Variants in PPFIA4 observed in about 807,000 individuals in gnomAD.
PPFIA4 encodes the protein liprin-alpha-4.
Under a neutral mutation model 145.7 loss-of-function variants are expected in PPFIA4, and 98 were observed. The observed-to-expected ratio is 0.67, with a 90% confidence interval of 0.57 to 0.80. The LOEUF (loss-of-function observed/expected upper bound fraction) is 0.80, where lower values mean the gene tolerates loss of function less well. Ranked by LOEUF, PPFIA4 falls within the 30% of genes least tolerant of loss-of-function variation. The pLI, the probability that PPFIA4 is intolerant of heterozygous loss-of-function variation, is 0.00. For synonymous variants in PPFIA4, 628 were observed against 649.6 expected (o/e 0.97, Z 0.51); for missense variants, 1,457 against 1,632.7 (o/e 0.89, Z 1.85).
Position 203,055,370 on chromosome 1 carries a change from C to T in PPFIA4, c.1830-62C>T. The T allele has an allele frequency of 2.5e-6, 4 of 1,605,612 alleles. No individual in the cohort carries two copies. The highest frequency in any genetic ancestry group is 3.4e-6 in the Non-Finnish European group (4 of 1,173,560). On this transcript the variant is annotated intron_variant, in intron 15 of 29. Coordinates refer to ENST00000295706, the MANE Select transcript of PPFIA4 (RefSeq NM_001304331.2). This position sits in a 1 kb window ranked among gnomAD's most constrained non-coding sequence, Gnocchi z 4.8. ...GGTGGCGAGTGCAGGCATCGACCCG[C>T]ACTGCCTCCTGCTGGTCCTGGCTGG...
In PPFIA4 at chr1:203,060,109, T is replaced by G; in HGVS notation, c.2584-108T>G. Reference sequence around the variant, plus strand: ...CCGCCACATTCCTATGATCTGTATTTGCTATTCGAGTCCGTGGATGAGGCC... The same window carrying G: ...CCGCCACATTCCTATGATCTGTATTGGCTATTCGAGTCCGTGGATGAGGCC... On this transcript the variant is annotated intron_variant, in intron 21 of 29. Transcript: ENST00000295706. The surrounding 1 kb of genome is among the most constrained non-coding windows in gnomAD (Gnocchi z 4.8). 1 of 1,045,330 alleles carries G rather than the reference T, an allele frequency of 9.6e-7. No individual in the cohort carries two copies. Among genetic ancestry groups the G allele is most frequent in the Non-Finnish European group, 1.4e-6 (1 of 704,324 alleles). The allele number at this position is 1,045,330 out of a possible 1,614,324, so 64.8% of individuals were successfully genotyped here. A position where few individuals can be genotyped will look rare whatever the true frequency, so the allele number is the denominator to read the frequency against.
In PPFIA4 at chr1:203,039,203, G is replaced by A. The variant is rs1013065297; in HGVS notation, c.195G>A (p.Arg65=). The change falls in exon 2 of 30, where the codon CGG becomes CGA. Residue 65 remains arginine, a synonymous_variant. Coordinates refer to ENST00000295706, the MANE Select transcript of PPFIA4 (RefSeq NM_001304331.2). ...QSRLQDAIHE[R]DQLQRHLNSA... ...GGCTCCAGGATGCCATACACGAGCG[G>A]GACCAGCTCCAGCGCCACCTTAACT... 6.2e-7 allele frequency: 1 copy of A among 1,604,946 alleles called. No homozygotes were observed. Among genetic ancestry groups the A allele is most frequent in the East Asian group, 2.2e-5 (1 of 44,568 alleles).
chr1:203,051,128 G>T (rs1045621497), intron 13 of PPFIA4: 48 of 985,220 alleles, frequency 4.9e-5, no homozygotes, highest in Non-Finnish European at 5.7e-5. Flanking sequence ...TATTCCAGGG[G>T]ATTGTTGCTT....
In PPFIA4 at chr1:203,046,263, C is replaced by T. The variant is rs748947692; in HGVS notation, c.1021C>T (p.Arg341Ter). The part of the protein sequence containing the change: ...SLHRQCEEKA[R>*]HLQELLEVAE... Reference sequence around the variant, plus strand: ...ACATTGCTAGTGTGAGGAGAAGGCCCGACACCTGCAGGAGCTGCTGGAGGT... The same window carrying T: ...ACATTGCTAGTGTGAGGAGAAGGCCTGACACCTGCAGGAGCTGCTGGAGGT... Residue 341 changes from arginine to a stop codon, truncating the protein, a stop_gained, in exon 9 of 30, where the codon CGA becomes TGA. Coordinates refer to ENST00000295706, the MANE Select transcript of PPFIA4 (RefSeq NM_001304331.2). LOFTEE classifies it high-confidence loss of function. 14 of 1,593,920 alleles carry T rather than the reference C, an allele frequency of 8.8e-6. No homozygotes were observed. Among genetic ancestry groups the T allele is most frequent in the African/African-American group, 2.7e-5 (2 of 74,616 alleles).
At chr1:203,070,585 CAA>C (rs571325182) in intron 27 of PPFIA4, among the ~76,000 whole-genome samples, 1,752 of 77,496 alleles carry the variant, frequency 0.023, 23 homozygotes, top group African/African-American at 0.078. Flanking sequence ...CTGTCTCCCT[CAA>C]AAAAAAAAAA....
At chr1:203,063,792 TC>T in intron 24 of PPFIA4, 35 bp from the exon 25 acceptor site, 1 of 1,611,290 alleles carries the variant, frequency 6.2e-7, no homozygotes, top group Non-Finnish European at 8.5e-7. Context: ...TCTACCTTCC[TC>T]CCCCATAATA....
chr1:203,064,985 A>G (rs941098506), intron 25 of PPFIA4, among the ~76,000 whole-genome samples: 1 of 152,230 alleles, frequency 6.6e-6, no homozygotes, highest in South Asian at 2.1e-4. Flanking sequence ...TGACTGGATA[A>G]TAAGACCAGG....
Position 203,060,269 on chromosome 1 carries a change from A to G in PPFIA4, c.2636A>G (p.Lys879Arg). The stretch of plus-strand genomic sequence containing the variant: ...GTGGCAGCCTGCCGGGCCAACGTCA[A>G]GAGTGGTGCCATCATGTCCGCTCTG... ...WYVAACRANV[K>R]SGAIMSALSD... is the part of the protein sequence containing the mutation. The change falls in exon 22 of 30, where the codon AAG becomes AGG. Residue 879 changes from lysine (K) to arginine (R), a missense_variant. Transcript: ENST00000295706. The surrounding 1 kb of genome is among the most constrained non-coding windows in gnomAD (Gnocchi z 4.8). The G allele has an allele frequency of 1.2e-6, 2 of 1,614,128 alleles. No individual in the cohort carries two copies. The highest frequency in any genetic ancestry group is 1.7e-6 in the Non-Finnish European group (2 of 1,179,988).
Position 203,055,968 on chromosome 1 carries a change from CT to C in PPFIA4, c.2071-138del, listed in dbSNP as rs199570318. On this transcript the variant is annotated intron_variant, in intron 16 of 29. Coordinates refer to ENST00000295706, the MANE Select transcript of PPFIA4 (RefSeq NM_001304331.2). The surrounding 1 kb of genome is among the most constrained non-coding windows in gnomAD (Gnocchi z 4.8). ...GCCCTGGCTTGTTTTTCTAGGCCAG[CT>C]TTTTTTTTTTTTTCTGGCGTGATAT... 1.3e-3 allele frequency among the ~76,000 whole-genome samples: 193 copies of C among 145,872 alleles called. 3 individuals carry two copies. The highest frequency in any genetic ancestry group is 9.2e-3 in the East Asian group (46 of 5,026).
chr1:203,026,940 G>A (rs1571641355), intron 1 of PPFIA4, among the ~76,000 whole-genome samples: 1 of 152,354 alleles, frequency 6.6e-6, no homozygotes, highest in Non-Finnish European at 1.5e-5. Flanking sequence ...TGGGAACGGA[G>A]CAGACTGCGC....
At chr1:203,045,620 G>A (rs765801658) in intron 7 of PPFIA4, 61 bp downstream of exon 7, 20 of 1,488,288 alleles carry the variant, frequency 1.3e-5, no homozygotes, top group Non-Finnish European at 1.8e-5. Context: ...GGGAGAGCCA[G>A]GCAAAGGCTC....
chr1:203,059,735 A>C, intron 20 of PPFIA4, 35 bp from the exon 21 acceptor site: 3 of 1,571,878 alleles, frequency 1.9e-6, no homozygotes, highest in Non-Finnish European at 2.6e-6. Context: ...GGGAGAAGGA[A>C]GAACTAGTGA....
intron 25 of PPFIA4, among the ~76,000 whole-genome samples, chr1:203,066,834 G>A (rs1190088320): frequency 6.6e-6 from 1 of 152,148 alleles, no homozygotes; most frequent in East Asian, 1.9e-4. Context: ...AGGGGTTTAG[G>A]ATCAGTGAAC....
chr1:203,029,879 AT>A (rs1266613852), intron 1 of PPFIA4, among the ~76,000 whole-genome samples: 1 of 152,256 alleles, frequency 6.6e-6, no homozygotes, highest in African/African-American at 2.4e-5. Context: ...TAGATACTGT[AT>A]ATACTACTGT....
intron 6 of PPFIA4, among the ~76,000 whole-genome samples, chr1:203,044,991 G>A (rs754405991): frequency 6.6e-6 from 1 of 152,104 alleles, no homozygotes; most frequent in African/African-American, 2.4e-5. Context: ...CACATGCTGG[G>A]CACATCATAC....
chr1:203,043,790 C>A lies in PPFIA4; in HGVS notation c.337-141C>A. The A allele has an allele frequency of 1.1e-6, 1 of 899,720 alleles. No homozygotes were observed. Among genetic ancestry groups the A allele is most frequent in the Non-Finnish European group, 1.6e-6 (1 of 609,498 alleles). 55.7% of individuals were successfully genotyped at this position (899,720 alleles called of 1,614,324 possible). On this transcript the variant is annotated intron_variant, in intron 3 of 29. Transcript: ENST00000295706. This position sits in a 1 kb window ranked among gnomAD's most constrained non-coding sequence, Gnocchi z 4.4. Reference sequence around the variant, plus strand: ...TATCAGTTGGGGCGGGAGCTCTGTGCCCATTTGGAAGTATTTCAGTGTTTT... The same window carrying A: ...TATCAGTTGGGGCGGGAGCTCTGTGACCATTTGGAAGTATTTCAGTGTTTT...
chr1:203,075,930 G>A lies in PPFIA4; in HGVS notation c.3574+173G>A. The A allele has an allele frequency of 1.5e-6, 1 of 662,608 alleles. No individual in the cohort carries two copies. The highest frequency in any genetic ancestry group is 1.9e-5 in the African/African-American group (1 of 52,586). The allele number at this position is 662,608 out of a possible 1,614,324, so 41.0% of individuals were successfully genotyped here. On this transcript the variant is annotated intron_variant, in intron 29 of 29. Coordinates refer to ENST00000295706, the MANE Select transcript of PPFIA4 (RefSeq NM_001304331.2). This position sits in a 1 kb window ranked among gnomAD's most constrained non-coding sequence, Gnocchi z 4.1. Reference sequence around the variant, plus strand: ...GAGCGTGTGTGCGCACTAACCCGCCGCTCTGTGTGTTCTCCCGCGGCTGCC... The same window carrying A: ...GAGCGTGTGTGCGCACTAACCCGCCACTCTGTGTGTTCTCCCGCGGCTGCC...
At chr1:203,067,513 G>T in intron 25 of PPFIA4, 182 bp from the exon 26 acceptor site, 1 of 598,516 alleles carries the variant, frequency 1.7e-6, no homozygotes, top group South Asian at 2.0e-5. Context: ...ACAGAGAAAG[G>T]GAGTAACCTC....
rs1327373196 is a variant in PPFIA4 at position 203,056,528 on chromosome 1, C to T, written c.2240+20C>T. The stretch of plus-strand genomic sequence containing the variant: ...CAAGAGGTAAGTAGAGCAGACCCCA[C>T]CTCCAGTCTCTCCATCCACAGGGTC... On this transcript the variant is annotated intron_variant, in intron 18 of 29. Coordinates refer to ENST00000295706, the MANE Select transcript of PPFIA4 (RefSeq NM_001304331.2). 1 of 1,609,886 alleles carries T rather than the reference C, an allele frequency of 6.2e-7. No individual in the cohort carries two copies.
Sources: gnomAD v4.1 joint callset for allele counts (sites outside exome capture counted in the v4.1 genomes callset) on GRCh38, gnomAD v4.1.1 for gene constraint, Gnocchi (gnomAD v3.1) non-coding constraint, MANE v1.5 for transcripts, NCBI Gene and HGNC (gene_info 2026-07-23, HGNC 2026-07-21) for gene names.